Variants in ESYT3 observed in about 807,000 individuals in gnomAD.
ESYT3 encodes extended synaptotagmin-3.
ESYT3 carries 101 observed loss-of-function variants against 111.5 expected under a neutral mutation model. That is an observed-to-expected ratio of 0.91 (90% CI 0.77 to 1.07). ESYT3 has a LOEUF of 1.07. Among genes scored for constraint, ESYT3 ranks in the 50% least tolerant of loss-of-function variants. The pLI, the probability that ESYT3 is intolerant of heterozygous loss-of-function variation, is 0.00. For missense variants in ESYT3, 1,097 were observed against 1,109.4 expected, an observed-to-expected ratio of 0.99 and a Z score of 0.16; for synonymous variants, 416 against 446.8, an observed-to-expected ratio of 0.93 and a Z score of 0.87.
At chr3:138,474,055 C>T (rs1484637415) in intron 19 of ESYT3, among the ~76,000 whole-genome samples, 166 bp from the exon 20 acceptor site, 1 of 152,228 alleles carries the variant, frequency 6.6e-6, no homozygotes, top group Non-Finnish European at 1.5e-5. Context: ...ATCAGGACCA[C>T]TGAGCATTTT....
intron 19 of ESYT3, among the ~76,000 whole-genome samples, 160 bp downstream of exon 19, chr3:138,473,794 C>A (rs2033358354): frequency 6.6e-6 from 1 of 152,178 alleles, no homozygotes; most frequent in African/African-American, 2.4e-5. Flanking sequence ...TAATCAAGTC[C>A]TCAAAGGGGC....
intron 7 of ESYT3, among the ~76,000 whole-genome samples, chr3:138,460,955 C>T (rs191027624): frequency 2.8e-4 from 42 of 152,304 alleles, no homozygotes; most frequent in Admixed American, 1.0e-3. Flanking sequence ...TTCAGGTCCC[C>T]GTCCTGGTGC....
intron 2 of ESYT3, 34 bp from the exon 3 acceptor site, chr3:138,455,160 C>A: frequency 6.2e-7 from 1 of 1,612,988 alleles, no homozygotes; most frequent in Non-Finnish European, 8.5e-7. Flanking sequence ...GGGGTACAGA[C>A]CTGACTACCA....
At chr3:138,449,325 A>T (rs1290379676) in intron 1 of ESYT3, among the ~76,000 whole-genome samples, 2 of 151,836 alleles carry the variant, frequency 1.3e-5, no homozygotes, top group Non-Finnish European at 2.9e-5. Flanking sequence ...GGCTCAAGTG[A>T]TCCACCTGCC....
intron 1 of ESYT3, among the ~76,000 whole-genome samples, chr3:138,442,294 C>G (rs756097990): frequency 1.3e-5 from 2 of 152,066 alleles, no homozygotes; most frequent in Non-Finnish European, 2.9e-5. Flanking sequence ...AAAACTTGTA[C>G]TTTTTTCTTT....
chr3:138,460,246 A>G (rs2032547604), intron 6 of ESYT3, among the ~76,000 whole-genome samples: 1 of 152,208 alleles, frequency 6.6e-6, no homozygotes, highest in African/African-American at 2.4e-5. Context: ...AGAGAAGGTC[A>G]CACAGATGGT....
In ESYT3 at chr3:138,472,608, A is replaced by G. The variant is rs1288200977; in HGVS notation, c.1986A>G (p.Thr662=). The change falls in exon 18 of 23, where the codon ACA becomes ACG. Residue 662 remains threonine (T), a synonymous_variant. Transcript: ENST00000389567. ...CCACTGAGCCCACATCCCAAGAGAC[A>G]GGCCCAGAGCCTAAAGGCAAGGACA... The part of the protein sequence containing the change: ...TVATEPTSQE[T]GPEPKGKDSA... 29 of 1,614,112 alleles carry G rather than the reference A, an allele frequency of 1.8e-5. No individual in the cohort carries two copies. The highest frequency in any genetic ancestry group is 2.5e-5 in the Non-Finnish European group (29 of 1,180,048).
At chr3:138,471,859 A>T (rs1461794470) in intron 17 of ESYT3, among the ~76,000 whole-genome samples, 1 of 152,220 alleles carries the variant, frequency 6.6e-6, no homozygotes, top group Admixed American at 6.5e-5. Context: ...CAGGCCTATG[A>T]GGTGCCATGT....
chr3:138,458,791 T>G (rs1320641308), intron 4 of ESYT3, among the ~76,000 whole-genome samples: 1 of 152,190 alleles, frequency 6.6e-6, no homozygotes, highest in Admixed American at 6.5e-5. Flanking sequence ...GAAAGACACC[T>G]GGGCAGAGAT....
rs1343174464 is a variant in ESYT3, at chr3:138,462,358, C to T, written c.915+152C>T. The T allele has an allele frequency of 5.7e-5, 63 of 1,103,230 alleles. 1 individual carries two copies. Among genetic ancestry groups the T allele is most frequent in the Non-Finnish European group, 6.6e-5 (51 of 773,414 alleles). The allele number at this position is 1,103,230 out of a possible 1,614,324, so 68.3% of individuals were successfully genotyped here. On this transcript the variant is annotated intron_variant, in intron 8 of 22. Transcript: ENST00000389567. ...AACACCATCGCCCACGTCATAATTA[C>T]TAAAGACATTTTGTCCTTGGGGTGT... is the stretch of plus-strand genomic sequence containing the variant.
chr3:138,465,501 C>A, intron 10 of ESYT3, 80 bp downstream of exon 10: 1 of 1,139,766 alleles, frequency 8.8e-7, no homozygotes, highest in Non-Finnish European at 1.3e-6. Context: ...CCTGCTCCTA[C>A]CACTTAATGA....
At chr3:138,455,885 GCTTC>G (rs1455381033) in intron 3 of ESYT3, among the ~76,000 whole-genome samples, 2 of 152,214 alleles carry the variant, frequency 1.3e-5, no homozygotes, top group African/African-American at 4.8e-5. Flanking sequence ...TCTAGACTGG[GCTTC>G]CTGTTTCAGC....
chr3:138,459,602 A>G (rs2108614051), intron 5 of ESYT3, among the ~76,000 whole-genome samples: 1 of 152,320 alleles, frequency 6.6e-6, no homozygotes, highest in South Asian at 2.1e-4. Context: ...TCTCGGCAGG[A>G]GTAGAAGAGC....
chr3:138,477,934 TCA>T lies in ESYT3; in HGVS notation c.*1081_*1082del, dbSNP rs2108635059. 6.6e-6 allele frequency: 1 copy of T among 152,342 alleles called. No individual in the cohort carries two copies. Among genetic ancestry groups the T allele is most frequent in the Admixed American group, 6.5e-5 (1 of 15,298 alleles). 9.4% of individuals were successfully genotyped at this position (152,342 alleles called of 1,614,324 possible). A position where few individuals can be genotyped will look rare whatever the true frequency, so the allele number is the denominator to read the frequency against. ...GGCAACATTCGAGAACAAAGTTTTG[TCA>T]TGTTACTCTTATTCCAGTTTCCTGC... On this transcript the variant is annotated 3_prime_UTR_variant, in exon 23 of 23. Coordinates refer to ENST00000389567, the MANE Select transcript of ESYT3 (RefSeq NM_031913.5).
rs1346870281 is a variant in ESYT3, at chr3:138,440,835, TACTC to T, written c.327+5716_327+5719del. 6.6e-6 allele frequency among the ~76,000 whole-genome samples: 1 copy of T among 152,326 alleles called. No homozygotes were observed. Among genetic ancestry groups the T allele is most frequent in the East Asian group, 1.9e-4 (1 of 5,186 alleles). On this transcript the variant is annotated intron_variant, in intron 1 of 22. Coordinates refer to ENST00000389567, the MANE Select transcript of ESYT3 (RefSeq NM_031913.5). This position sits in a 1 kb window ranked among gnomAD's most constrained non-coding sequence, Gnocchi z 4.2. ...TTAGGCATACATGTGTTCATTCCTATACTCACTCAGCAAGCATTTATCGAGAACT... is the reference window on the plus strand; with the variant it reads ...TTAGGCATACATGTGTTCATTCCTATACTCAGCAAGCATTTATCGAGAACT...
At chr3:138,442,712 GTAGCTTCAGCTGC>G in intron 1 of ESYT3, among the ~76,000 whole-genome samples, 1 of 152,338 alleles carries the variant, frequency 6.6e-6, no homozygotes, top group African/African-American at 2.4e-5. Flanking sequence ...GTACATATCT[GTAGCTTCAGCTGC>G]TAGCTCAGTG....
intron 3 of ESYT3, 78 bp downstream of exon 3, chr3:138,455,406 C>A: frequency 6.5e-7 from 1 of 1,534,386 alleles, no homozygotes; most frequent in Non-Finnish European, 8.9e-7. Context: ...ACCTTTCTCC[C>A]ACCCAGGTCA....
chr3:138,447,102 G>A (rs1036144555), intron 1 of ESYT3, among the ~76,000 whole-genome samples: 6 of 151,740 alleles, frequency 4.0e-5, no homozygotes, highest in South Asian at 2.1e-4. Flanking sequence ...ATCAACAACC[G>A]ACATGAGGAA....
rs1467210374 is a variant in ESYT3, at chr3:138,479,703, G to A, written c.*2849G>A. On this transcript the variant is annotated 3_prime_UTR_variant, in exon 23 of 23. Coordinates refer to ENST00000389567, the MANE Select transcript of ESYT3 (RefSeq NM_031913.5). ...GTTTTATCAGCAGGCAACACCTTTT[G>A]GCAAGTTTCTTAGCCACAAGTGGGT... The A allele has an allele frequency of 6.6e-6, 1 of 152,134 alleles. No individual in the cohort carries two copies. Among genetic ancestry groups the A allele is most frequent in the Non-Finnish European group, 1.5e-5 (1 of 68,038 alleles). The allele number at this position is 152,134 out of a possible 1,614,324, so 9.4% of individuals were successfully genotyped here. A position where few individuals can be genotyped will look rare whatever the true frequency, so the allele number is the denominator to read the frequency against.
Sources: gnomAD v4.1 joint callset for allele counts (sites outside exome capture counted in the v4.1 genomes callset) on GRCh38, gnomAD v4.1.1 for gene constraint, Gnocchi (gnomAD v3.1) non-coding constraint, MANE v1.5 for transcripts, NCBI Gene and HGNC (gene_info 2026-07-23, HGNC 2026-07-21) for gene names.